The following USH2A variants were observed in gnomAD, a reference collection of about 807,000 sequenced individuals.
The protein encoded by USH2A is usherin, also known as Usher syndrome 2A (autosomal recessive, mild).
A neutral mutation model predicts 538.9 loss-of-function variants in USH2A; 443 were observed. That is an observed-to-expected ratio of 0.82 (90% CI 0.76 to 0.89). USH2A has a LOEUF of 0.89. Among genes scored for constraint, USH2A ranks in the 40% least tolerant of loss-of-function variants. The pLI is 0.00. For missense variants in USH2A, 6,633 were observed against 6,324.8 expected (o/e 1.05, Z -1.65); for synonymous variants, 2,413 against 2,273.5 (o/e 1.06, Z -1.75).
intron 61 of USH2A, among the ~76,000 whole-genome samples, chr1:215,718,561 CCTCT>C (rs1439668169): frequency 6.6e-6 from 1 of 152,180 alleles, no homozygotes; most frequent in Non-Finnish European, 1.5e-5. Context: ...AATGCAATTC[CCTCT>C]CTATTTAGTA....
intron 8 of USH2A, among the ~76,000 whole-genome samples, chr1:216,322,792 C>T (rs1423914211): frequency 6.6e-6 from 1 of 151,864 alleles, no homozygotes; most frequent in Non-Finnish European, 1.5e-5. Context: ...TTTTGGTCTG[C>T]TTTTAAAGAC....
intron 61 of USH2A, among the ~76,000 whole-genome samples, chr1:215,708,301 T>C (rs766661198): frequency 1.3e-5 from 2 of 152,218 alleles, no homozygotes; most frequent in Non-Finnish European, 2.9e-5. Flanking sequence ...CATTTTTGTC[T>C]GGTTTATTCA....
intron 56 of USH2A, among the ~76,000 whole-genome samples, chr1:215,760,886 C>T (rs770272035): frequency 6.6e-6 from 1 of 152,180 alleles, no homozygotes; most frequent in Non-Finnish European, 1.5e-5. Context: ...CTTCCATATT[C>T]CATTGGAATC....
chr1:215,708,497 G>A (rs2102695911), intron 61 of USH2A, among the ~76,000 whole-genome samples: 1 of 152,196 alleles, frequency 6.6e-6, no homozygotes, highest in East Asian at 1.9e-4. Flanking sequence ...CAACCTTTTG[G>A]GCACCAGGGA....
chr1:215,725,133 A>G (rs1264355291), intron 61 of USH2A, among the ~76,000 whole-genome samples: 1 of 152,096 alleles, frequency 6.6e-6, no homozygotes, highest in African/African-American at 2.4e-5. Context: ...TCCTGGGTTC[A>G]AGCAATTCTC....
chr1:216,198,734 T>A, intron 17 of USH2A, 150 bp from the exon 18 acceptor site: 1 of 786,842 alleles, frequency 1.3e-6, no homozygotes, highest in Non-Finnish European at 2.0e-6. Context: ...CAAAATGTAG[T>A]GATTTAGTAG....
chr1:216,221,078 A>T (rs533483657), intron 14 of USH2A, among the ~76,000 whole-genome samples: 1 of 152,266 alleles, frequency 6.6e-6, no homozygotes, highest in South Asian at 2.1e-4. Context: ...AGGATTCAGT[A>T]AATATTGTCG....
Position 216,190,364 on chromosome 1 carries a change from A to G in USH2A, c.4255T>C (p.Leu1419=), listed in dbSNP as rs2034691161. The G allele has an allele frequency of 2.0e-5, 32 of 1,611,526 alleles. No individual in the cohort carries two copies. Among genetic ancestry groups the G allele is most frequent in the Non-Finnish European group, 2.7e-5 (32 of 1,178,670 alleles). Residue 1419 remains leucine (L), a synonymous_variant, in exon 20 of 72, where the codon TTG becomes CTG. Transcript: ENST00000307340. Reference sequence around the variant, plus strand: ...AGTTCTTGGGATTTAGCAGTGTGCAACAGCTTCAAGGCAAAAAAGAAAGAA... The same window carrying G: ...AGTTCTTGGGATTTAGCAGTGTGCAGCAGCTTCAAGGCAAAAAAGAAAGAA... ...QSIPMAFSQL[L]HTAKSQELSY... is the part of the protein sequence containing the mutation.
At chr1:216,281,245 T>TCTTATTTCTATCATTCTTAGTTCTAC (rs578022127) in intron 11 of USH2A, among the ~76,000 whole-genome samples, 2,232 of 152,300 alleles carry the variant, frequency 0.015, 17 homozygotes, top group South Asian at 0.024. Flanking sequence ...CATTCTTATT[T>TCTTATTTCTATCATTCTTAGTTCTAC]ACATTCCTAT....
At chr1:215,667,307 A>T (rs1405904230) in intron 64 of USH2A, among the ~76,000 whole-genome samples, 1 of 152,174 alleles carries the variant, frequency 6.6e-6, no homozygotes, top group Non-Finnish European at 1.5e-5. Context: ...CAAGCTGGTT[A>T]TATGAATTGT....
At chr1:216,402,971 GAGGA>G (rs946128484) in intron 3 of USH2A, among the ~76,000 whole-genome samples, 4 of 152,068 alleles carry the variant, frequency 2.6e-5, no homozygotes, top group African/African-American at 9.7e-5. Context: ...TATGAGAAAA[GAGGA>G]AGGATCTTAA....
intron 3 of USH2A, among the ~76,000 whole-genome samples, chr1:216,372,572 T>TA (rs2038733261): frequency 6.6e-6 from 1 of 151,112 alleles, no homozygotes; most frequent in Admixed American, 6.6e-5. Flanking sequence ...TGCAAGTAGA[T>TA]TTTTTTTTGT....
chr1:215,989,982 C>T (rs1004263824), intron 35 of USH2A, among the ~76,000 whole-genome samples: 8 of 151,908 alleles, frequency 5.3e-5, no homozygotes, highest in African/African-American at 9.7e-5. Context: ...ATTGGTGCTC[C>T]CAAGATTGTT....
chr1:215,697,051 C>T (rs527473849), intron 61 of USH2A, among the ~76,000 whole-genome samples: 2 of 152,068 alleles, frequency 1.3e-5, no homozygotes, highest in African/African-American at 4.8e-5. Context: ...CTCCTGGGCT[C>T]AAGCAATTCT....
At position 215,836,489 on chromosome 1, in the gene USH2A, T is replaced by A. The variant is rs12021694; in HGVS notation, c.9371+1502A>T. On this transcript the variant is annotated intron_variant, in intron 47 of 71. Transcript: ENST00000307340. ...TTATATATATATATATAATATATAT[T>A]ATATATATAATATATATTATATATA... Among the ~76,000 whole-genome samples, 7 of 2,530 alleles carry A rather than the reference T, an allele frequency of 2.8e-3. 2 individuals are homozygous for A. Among genetic ancestry groups the A allele is most frequent in the Non-Finnish European group, 0.011 (5 of 468 alleles). The allele number at this position is 2,530 out of a possible 152,430, so 1.7% of individuals were successfully genotyped here. A position where few individuals can be genotyped will look rare whatever the true frequency, so the allele number is the denominator to read the frequency against.
intron 37 of USH2A, among the ~76,000 whole-genome samples, chr1:215,940,288 A>G (rs1015837774): frequency 6.6e-6 from 1 of 152,056 alleles, no homozygotes; most frequent in African/African-American, 2.4e-5. Flanking sequence ...TCTCACTATC[A>G]CGAAATTCTG....
chr1:215,838,773 A>AGAGG (rs1032657853), intron 46 of USH2A, among the ~76,000 whole-genome samples: 3 of 152,198 alleles, frequency 2.0e-5, no homozygotes, highest in African/African-American at 7.2e-5. Context: ...ACGTTAACCA[A>AGAGG]GAGGGAGGAG....
intron 11 of USH2A, among the ~76,000 whole-genome samples, chr1:216,280,165 C>T (rs1231885770): frequency 6.6e-6 from 1 of 151,354 alleles, no homozygotes; most frequent in Non-Finnish European, 1.5e-5. Context: ...GGACAGTTAA[C>T]CTCCAACTCA....
chr1:216,367,785 C>T (rs2038627408), intron 3 of USH2A, among the ~76,000 whole-genome samples: 1 of 152,114 alleles, frequency 6.6e-6, no homozygotes, highest in Non-Finnish European at 1.5e-5. Flanking sequence ...GATCTGGGGC[C>T]CCATCACCCT....
Sources: allele counts gnomAD v4.1 joint callset (sites outside exome capture counted in the v4.1 genomes callset), GRCh38; gene constraint gnomAD v4.1.1; transcripts MANE v1.5; gene names NCBI Gene and HGNC (gene_info 2026-07-23, HGNC 2026-07-21).